The following BNIP5 variants were observed in gnomAD, a reference collection of about 807,000 sequenced individuals.
The protein encoded by BNIP5 is protein BNIP5.
BNIP5 carries 61 observed loss-of-function variants against 67.3 expected under a neutral mutation model. The observed-to-expected ratio is 0.91, with a 90% confidence interval of 0.74 to 1.12. The LOEUF is 1.12. Ranked by LOEUF, BNIP5 falls within the 50% of genes most tolerant of loss-of-function variation. BNIP5 has a pLI of 0.00. For missense variants in BNIP5, 826 were observed against 816.3 expected, an observed-to-expected ratio of 1.01 and a Z score of -0.14; for synonymous variants, 317 against 319.0, an observed-to-expected ratio of 0.99 and a Z score of 0.07.
Position 36,317,371 on chromosome 6 carries a change from A to G in BNIP5, c.1944T>C (p.Val648=). The G allele has an allele frequency of 6.2e-7, 1 of 1,613,614 alleles. No individual in the cohort carries two copies. Among genetic ancestry groups the G allele is most frequent in the Non-Finnish European group, 8.5e-7 (1 of 1,179,532 alleles). Reference sequence around the variant, plus strand: ...GACACAGCTTTCAATCTGGACTTTCAACCTTAGGACTTGTGATGTTCTGGG... The same window carrying G: ...GACACAGCTTTCAATCTGGACTTTCGACCTTAGGACTTGTGATGTTCTGGG... ...EDQPNITSPK[V]ESPD is the part of the protein sequence containing the mutation. The change falls in exon 12 of 12, where the codon GTT becomes GTC. Residue 648 remains valine (V), a synonymous_variant. Coordinates refer to ENST00000437635, the MANE Select transcript of BNIP5 (RefSeq NM_001010903.5).
In BNIP5 at chr6:36,319,492, C is replaced by A; in HGVS notation, c.1787G>T (p.Arg596Leu). Reference protein sequence around the residue: ...VAHSSKLDRNRARRLYQFDVS... With the variant: ...VAHSSKLDRNLARRLYQFDVS... The stretch of plus-strand genomic sequence containing the variant: ...GTCAAACTGGTAGAGTCTCCTGGCG[C>A]GGTTCCTGTCCAGCTTAGAGGAGTG... The change falls in exon 11 of 12, where the codon CGC becomes CTC. Residue 596 changes from arginine (R) to leucine (L), a missense_variant. Physicochemically the swap from Arg to Leu is moderately radical, Grantham distance 102. Transcript: ENST00000437635. The A allele has an allele frequency of 6.2e-7, 1 of 1,614,164 alleles. No individual in the cohort carries two copies. Among genetic ancestry groups the A allele is most frequent in the Non-Finnish European group, 8.5e-7 (1 of 1,180,040 alleles).
At chr6:36,325,169 G>T in intron 6 of BNIP5, 114 bp downstream of exon 6, 2 of 1,181,604 alleles carry the variant, frequency 1.7e-6, no homozygotes, top group Non-Finnish European at 2.5e-6. Flanking sequence ...GCTGTACTCA[G>T]AGGGAGGTCT....
At chr6:36,321,041 C>A in intron 10 of BNIP5, 114 bp downstream of exon 10, 1 of 649,060 alleles carries the variant, frequency 1.5e-6, no homozygotes, top group Non-Finnish European at 2.7e-6. Context: ...AACCGAGACT[C>A]AGAGAGGTTA....
At chr6:36,330,907 G>T (rs1771891267) in intron 1 of BNIP5, among the ~76,000 whole-genome samples, 1 of 152,156 alleles carries the variant, frequency 6.6e-6, no homozygotes, top group African/African-American at 2.4e-5. Flanking sequence ...GGAATAACAG[G>T]TGCCCGCCAC....
intron 11 of BNIP5, among the ~76,000 whole-genome samples, chr6:36,317,622 C>T (rs1771549831): frequency 6.6e-6 from 1 of 152,214 alleles, no homozygotes; most frequent in Non-Finnish European, 1.5e-5. Context: ...GGAAGGCTCC[C>T]AGGACCTACT....
chr6:36,317,204 T>C lies in BNIP5; in HGVS notation c.*152A>G, dbSNP rs922899726. 2 of 721,390 alleles carry C rather than the reference T, an allele frequency of 2.8e-6. No homozygotes were observed. Among genetic ancestry groups the C allele is most frequent in the East Asian group, 2.6e-5 (1 of 38,702 alleles). 44.7% of individuals were successfully genotyped at this position (721,390 alleles called of 1,614,324 possible). Reference sequence around the variant, plus strand: ...AGAATGCTCTGTGCTTCTCAGATACTAGGGTATGGACACAGAATGATTGTC... The same window carrying C: ...AGAATGCTCTGTGCTTCTCAGATACCAGGGTATGGACACAGAATGATTGTC... On this transcript the variant is annotated 3_prime_UTR_variant, in exon 12 of 12. Transcript: ENST00000437635.
At chr6:36,331,339 C>T (rs1210256439) in intron 1 of BNIP5, among the ~76,000 whole-genome samples, 2 of 152,222 alleles carry the variant, frequency 1.3e-5, no homozygotes, top group African/African-American at 4.8e-5. Context: ...CTGTCCACAC[C>T]TAGGTTTTAG....
chr6:36,316,446 T>C lies in BNIP5; in HGVS notation c.*910A>G. On this transcript the variant is annotated 3_prime_UTR_variant, in exon 12 of 12. Coordinates refer to ENST00000437635, the MANE Select transcript of BNIP5 (RefSeq NM_001010903.5). ...TAGCCCTTTTCTCAAGACATGTTACTGCTACCAGCTGCAAAACTGTCATGA... is the reference window on the plus strand; with the variant it reads ...TAGCCCTTTTCTCAAGACATGTTACCGCTACCAGCTGCAAAACTGTCATGA... 2.5e-6 allele frequency: 1 copy of C among 398,488 alleles called. No individual in the cohort carries two copies. Among genetic ancestry groups the C allele is most frequent in the Non-Finnish European group, 4.4e-6 (1 of 226,064 alleles). 24.7% of individuals were successfully genotyped at this position (398,488 alleles called of 1,614,324 possible).
intron 10 of BNIP5, 114 bp from the exon 11 acceptor site, chr6:36,319,724 G>T (rs1337075004): frequency 1.6e-6 from 2 of 1,236,358 alleles, no homozygotes; most frequent in East Asian, 2.3e-5. Context: ...CCTGGGATGA[G>T]CTCCCCTTGT....
chr6:36,330,476 G>T lies in BNIP5; in HGVS notation c.215C>A (p.Thr72Asn), dbSNP rs1230177212. The T allele has an allele frequency of 1.9e-6, 3 of 1,614,212 alleles. No individual in the cohort carries two copies. Among genetic ancestry groups the T allele is most frequent in the Non-Finnish European group, 2.5e-6 (3 of 1,180,026 alleles). Residue 72 changes from threonine to asparagine, a missense_variant, in exon 2 of 12, where the codon ACC becomes AAC. Transcript: ENST00000437635. ...CTCCTCGGGAGTGGGGGCTGCAGCG[G>T]TGGTGCAGTGAGCCTCTGCAGATGG... ...PAPSAEAHCT[T>N]AAAPTPEETG... is the part of the protein sequence containing the mutation.
Position 36,327,204 on chromosome 6 carries a change from A to C in BNIP5, c.728-110T>G, listed in dbSNP as rs576020334. The C allele has an allele frequency of 9.1e-4, 888 of 970,648 alleles. 8 individuals are homozygous for C. Among genetic ancestry groups the C allele is most frequent in the Non-Finnish European group, 1.9e-4 (117 of 628,832 alleles). 60.1% of individuals were successfully genotyped at this position (970,648 alleles called of 1,614,324 possible). A position where few individuals can be genotyped will look rare whatever the true frequency, so the allele number is the denominator to read the frequency against. On this transcript the variant is annotated intron_variant, in intron 3 of 11. Transcript: ENST00000437635. ...AACAACTCTTTAGGCCACACAATGGAGGGAAAGCACCACATCCCAGGGGCA... is the reference window on the plus strand; with the variant it reads ...AACAACTCTTTAGGCCACACAATGGCGGGAAAGCACCACATCCCAGGGGCA...
chr6:36,319,379 A>G lies in BNIP5; in HGVS notation c.1900T>C (p.Phe634Leu). 6.2e-7 allele frequency: 1 copy of G among 1,614,100 alleles called. No homozygotes were observed. The highest frequency in any genetic ancestry group is 8.5e-7 in the Non-Finnish European group (1 of 1,180,020). ...GLRDHYNCTQ[F>L]PYREDQPNIT... The stretch of plus-strand genomic sequence containing the variant: ...ACCGGCTGGTCCTCCCTGTATGGGA[A>G]CTGGGTGCAATTGTAGTGGTCTCTT... Residue 634 changes from phenylalanine (F) to leucine (L), a missense_variant, in exon 11 of 12, where the codon TTC becomes CTC. Transcript: ENST00000437635.
chr6:36,324,443 C>T (rs1004472829), intron 6 of BNIP5, among the ~76,000 whole-genome samples: 16 of 151,054 alleles, frequency 1.1e-4, no homozygotes, highest in Non-Finnish European at 2.1e-4. Context: ...CAGGTGCCCT[C>T]ATCCTGCACC....
intron 1 of BNIP5, among the ~76,000 whole-genome samples, chr6:36,333,238 T>C (rs763646254): frequency 9.8e-5 from 15 of 152,338 alleles, no homozygotes; most frequent in Admixed American, 3.9e-4. Flanking sequence ...CCAGAGGCCA[T>C]TGGGGCCGAG....
At chr6:36,334,842 C>CAACT (rs1408682547) in intron 1 of BNIP5, among the ~76,000 whole-genome samples, 1 of 152,172 alleles carries the variant, frequency 6.6e-6, no homozygotes, top group Non-Finnish European at 1.5e-5. Flanking sequence ...CCCAGGTGCT[C>CAACT]AACTACGTTC....
Position 36,330,462 on chromosome 6 carries a change from T to TG in BNIP5, c.228dup (p.Thr77HisfsTer37). 1.9e-6 allele frequency: 3 copies of TG among 1,613,684 alleles called. 1 individual carries two copies. In the South Asian group the frequency reaches 3.3e-5, roughly 18 times the overall value. ...AGAAAATCTCCGGTCTCCTCGGGAG[T>TG]GGGGGCTGCAGCGGTGGTGCAGTGA... is the stretch of plus-strand genomic sequence containing the variant. On this transcript the variant is annotated frameshift_variant, in exon 2 of 12. Transcript: ENST00000437635. LOFTEE classifies it high-confidence loss of function.
chr6:36,323,657 G>A (rs1771688682), intron 7 of BNIP5, 124 bp from the exon 8 acceptor site: 1 of 1,092,202 alleles, frequency 9.2e-7, no homozygotes, highest in African/African-American at 1.6e-5. Flanking sequence ...TTGATGCTCA[G>A]TGCTGGGGAA....
Position 36,330,236 on chromosome 6 carries a change from T to C in BNIP5, c.455A>G (p.Lys152Arg). The change falls in exon 2 of 12, where the codon AAG (lysine) becomes AGG (arginine). Residue 152 changes from lysine to arginine, a missense_variant. Coordinates refer to ENST00000437635, the MANE Select transcript of BNIP5 (RefSeq NM_001010903.5). The stretch of plus-strand genomic sequence containing the variant: ...ACCTTGCTTCTTGCGGCTGGGCTTC[T>C]TGTCGTGGTGGGCTTTCTTCCTGAG... ...PALRKKAHHD[K>R]KPSRKKQGHK... 1 of 1,614,158 alleles carries C rather than the reference T, an allele frequency of 6.2e-7. No homozygotes were observed. The highest frequency in any genetic ancestry group is 8.5e-7 in the Non-Finnish European group (1 of 1,180,024).
Position 36,330,152 on chromosome 6 carries a change from C to A in BNIP5, c.539G>T (p.Arg180Leu). The A allele has an allele frequency of 1.2e-6, 2 of 1,613,632 alleles. No individual in the cohort carries two copies. Among genetic ancestry groups the A allele is most frequent in the Non-Finnish European group, 1.7e-6 (2 of 1,180,020 alleles). Residue 180 changes from arginine (R) to leucine (L), a missense_variant, in exon 2 of 12, where the codon CGA (arginine) becomes CTA (leucine). Coordinates refer to ENST00000437635, the MANE Select transcript of BNIP5 (RefSeq NM_001010903.5). ...KAAQDQEARG[R>L]EEGLSKAAAA... The stretch of plus-strand genomic sequence containing the variant: ...AGCTGCCTTGGACAACCCTTCCTCT[C>A]GGCCTCTGGCCTCCTGGTCTTGAGC...
Sources: allele counts gnomAD v4.1 joint callset (sites outside exome capture counted in the v4.1 genomes callset), GRCh38; gene constraint gnomAD v4.1.1; transcripts MANE v1.5; gene names NCBI Gene and HGNC (gene_info 2026-07-23, HGNC 2026-07-21).